The following SHLD1 variants were observed in gnomAD, a reference collection of about 807,000 sequenced individuals.
The protein encoded by SHLD1 is RINN1-REV7-interacting novel NHEJ regulator 3.
SHLD1 carries 3 observed loss-of-function variants against 5.5 expected under a neutral mutation model. That is an observed-to-expected ratio of 0.54 (90% confidence interval 0.25 to 1.40). The LOEUF (loss-of-function observed/expected upper bound fraction) is 1.40. Ranked by LOEUF, SHLD1 falls within the 40% of genes most tolerant of loss-of-function variation. SHLD1 has a pLI of 0.15. For missense variants in SHLD1, 210 were observed against 244.4 expected (o/e 0.86, Z 0.94); for synonymous variants, 92 against 94.3 (o/e 0.98, Z 0.14).
intron 2 of SHLD1, among the ~76,000 whole-genome samples, chr20:5,857,398 G>A (rs1264054600): frequency 1.3e-5 from 2 of 152,186 alleles, no homozygotes; most frequent in African/African-American, 4.8e-5. Flanking sequence ...GAACTTAGGA[G>A]TGTGCCATGC....
intron 2 of SHLD1, among the ~76,000 whole-genome samples, chr20:5,850,044 C>T (rs192096260): frequency 9.4e-5 from 14 of 148,460 alleles, no homozygotes; most frequent in East Asian, 2.0e-4. Flanking sequence ...TTTGGGAGGC[C>T]GGAGCAGGAG....
chr20:5,782,062 C>T (rs893154319), intron 2 of SHLD1, among the ~76,000 whole-genome samples: 3 of 152,176 alleles, frequency 2.0e-5, no homozygotes, highest in Non-Finnish European at 4.4e-5. Flanking sequence ...TTGTTCCCCT[C>T]TCTGGAATGT....
intron 2 of SHLD1, among the ~76,000 whole-genome samples, chr20:5,778,112 T>TCC (rs1985514373): frequency 7.3e-6 from 1 of 136,382 alleles, no homozygotes; most frequent in Non-Finnish European, 1.6e-5. Flanking sequence ...GGATCCCTTT[T>TCC]TCTTTTTTTT....
At chr20:5,775,458 A>C (rs1401047544) in intron 2 of SHLD1, among the ~76,000 whole-genome samples, 2 of 152,220 alleles carry the variant, frequency 1.3e-5, no homozygotes, top group African/African-American at 4.8e-5. Context: ...TAGTTGACTA[A>C]TCTGTAGAAA....
intron 2 of SHLD1, among the ~76,000 whole-genome samples, chr20:5,850,556 G>A (rs1453496799): frequency 6.8e-6 from 1 of 147,488 alleles, no homozygotes; most frequent in African/African-American, 2.5e-5. Context: ...TGTCGCCCAA[G>A]TGGGAGTGCA....
intron 2 of SHLD1, among the ~76,000 whole-genome samples, chr20:5,859,771 G>A (rs2088136424): frequency 1.3e-5 from 2 of 152,230 alleles, no homozygotes; most frequent in Non-Finnish European, 2.9e-5. Flanking sequence ...CAACCCGTAT[G>A]TCATTGGTCT....
chr20:5,789,000 G>C (rs2087100416), intron 2 of SHLD1, among the ~76,000 whole-genome samples: 1 of 152,058 alleles, frequency 6.6e-6, no homozygotes, highest in Non-Finnish European at 1.5e-5. Context: ...TGGGCATAGT[G>C]GCACGCACCT....
intron 2 of SHLD1, among the ~76,000 whole-genome samples, chr20:5,849,897 T>G (rs1170286743): frequency 7.0e-6 from 1 of 142,018 alleles, no homozygotes; most frequent in Non-Finnish European, 1.5e-5. Context: ...AAGCGGAGCT[T>G]GCAGTGAGCC....
intron 2 of SHLD1, among the ~76,000 whole-genome samples, chr20:5,858,141 A>G (rs56112210): frequency 0.02 from 3,072 of 152,026 alleles, 55 homozygotes; most frequent in Middle Eastern, 0.038. Context: ...TCAGCTCTGT[A>G]ACCTCCTTGA....
chr20:5,834,621 C>T (rs953111493), intron 2 of SHLD1, among the ~76,000 whole-genome samples: 55 of 152,338 alleles, frequency 3.6e-4, no homozygotes, highest in African/African-American at 1.3e-3. Flanking sequence ...ATCCCATCCT[C>T]TTACAGTTCT....
intron 2 of SHLD1, among the ~76,000 whole-genome samples, chr20:5,832,448 T>C (rs1213457689): frequency 2.0e-5 from 3 of 152,066 alleles, no homozygotes; most frequent in Non-Finnish European, 4.4e-5. Flanking sequence ...GCTCCTCTTA[T>C]TCACCACTTA....
In SHLD1 at chr20:5,815,123, C is replaced by T. The variant is rs531105314; in HGVS notation, c.178+42080C>T. Among the ~76,000 whole-genome samples the T allele has an allele frequency of 2.0e-3, 305 of 152,218 alleles. 4 individuals are homozygous for T. Among genetic ancestry groups the T allele is most frequent in the Non-Finnish European group, 2.3e-3 (157 of 68,022 alleles). ...CTGGGGGAGAATTGAGCTTTTTTCT[C>T]TCCTGAGCAGATACGCTTGTTGGAT... On this transcript the variant is annotated intron_variant, in intron 2 of 2. Transcript: ENST00000303142.
rs548260259 is a variant in SHLD1 at position 5,785,668 on chromosome 20, C to T, written c.178+12625C>T. ...AAAATTAGCTGGGCATGGTGGTACA[C>T]GCCTGTAGTCTCAGCTACTCGGGAG... On this transcript the variant is annotated intron_variant, in intron 2 of 2. Transcript: ENST00000303142. Among the ~76,000 whole-genome samples the T allele has an allele frequency of 1.3e-4, 20 of 151,916 alleles. No individual in the cohort carries two copies. In the East Asian group the frequency reaches 2.3e-3, roughly 18 times the overall value.
intron 2 of SHLD1, among the ~76,000 whole-genome samples, chr20:5,844,799 A>ATATATATATATATTTTTT (rs1460082835): frequency 1.4e-5 from 1 of 71,692 alleles, no homozygotes; most frequent in East Asian, 3.7e-4. Flanking sequence ...ATATATATAT[A>ATATATATATATATTTTTT]TTTTTTTTTT....
intron 2 of SHLD1, among the ~76,000 whole-genome samples, chr20:5,849,716 T>G (rs901541732): frequency 2.0e-5 from 3 of 151,888 alleles, no homozygotes; most frequent in Non-Finnish European, 2.9e-5. Flanking sequence ...TCCCAGCACT[T>G]TGGGAGGCCG....
chr20:5,826,742 C>A (rs2087670025), intron 2 of SHLD1, among the ~76,000 whole-genome samples: 1 of 151,758 alleles, frequency 6.6e-6, no homozygotes, highest in South Asian at 2.1e-4. Context: ...AGTCACTTGG[C>A]CTCTCTGTGC....
chr20:5,756,000 G>C (rs1020955510), intron 1 of SHLD1, among the ~76,000 whole-genome samples: 23 of 152,152 alleles, frequency 1.5e-4, no homozygotes, highest in African/African-American at 5.6e-4. Context: ...TGCTATACCA[G>C]AGTCAGGTTG....
At chr20:5,772,526 A>G (rs237421) in intron 1 of SHLD1, among the ~76,000 whole-genome samples, 152,324 of 152,334 alleles carry the variant, frequency 1, 76,157 homozygotes, top group Middle Eastern at 1. Context: ...TTTGAACCAC[A>G]GTTGGGTGAG....
At chr20:5,761,418 A>G (rs979696064) in intron 1 of SHLD1, among the ~76,000 whole-genome samples, 1 of 151,674 alleles carries the variant, frequency 6.6e-6, no homozygotes, top group Non-Finnish European at 1.5e-5. Flanking sequence ...GACTTAAAGT[A>G]AAATTAAAAA....
Sources: gnomAD v4.1 joint callset for allele counts (sites outside exome capture counted in the v4.1 genomes callset) on GRCh38, gnomAD v4.1.1 for gene constraint, MANE v1.5 for transcripts, NCBI Gene and HGNC (gene_info 2026-07-23, HGNC 2026-07-21) for gene names.